WASF3: variants seen among roughly 807,000 people sequenced by gnomAD.
WASF3 encodes the protein WASP family member 3, also known as actin-binding protein WASF3.
In WASF3, 11 loss-of-function variants were observed where a neutral mutation model predicts 46.6. The ratio of observed to expected loss-of-function variants is 0.24; its 90% CI spans 0.15 to 0.39. WASF3 has a LOEUF of 0.39. Ranked by LOEUF, WASF3 falls within the 10% of genes least tolerant of loss-of-function variation. The probability of loss-of-function intolerance (pLI) is 1.00; values close to 1 mark genes in which losing one functional copy is unlikely to be tolerated. For missense variants in WASF3, 576 were observed against 669.8 expected (o/e 0.86, Z 1.55); for synonymous variants, 242 against 259.7 (o/e 0.93, Z 0.65).
At position 26,686,912 on chromosome 13, in the gene WASF3, T is replaced by C. The variant is rs931451382; in HGVS notation, c.*1067T>C. ...ATTGACAGCTATTCACCTTTCACGG[T>C]GCTGGGGCCAGATTAGGGATCACTC... On this transcript the variant is annotated 3_prime_UTR_variant, in exon 10 of 10. Transcript: ENST00000335327. The C allele has an allele frequency of 2.0e-5, 3 of 152,278 alleles. No individual in the cohort carries two copies. Among genetic ancestry groups the C allele is most frequent in the Admixed American group, 6.5e-5 (1 of 15,284 alleles). 9.4% of individuals were successfully genotyped at this position (152,278 alleles called of 1,614,324 possible). A position where few individuals can be genotyped will look rare whatever the true frequency, so the allele number is the denominator to read the frequency against.
chr13:26,553,588 C>A (rs909613287), upstream of WASF3, among the ~76,000 whole-genome samples: 5 of 151,992 alleles, frequency 3.3e-5, no homozygotes, highest in South Asian at 6.2e-4. Context: ...GAGGCCGAGG[C>A]GGGCGGATCA....
At chr13:26,612,831 A>T (rs991468947) in intron 1 of WASF3, 130 bp from the exon 2 acceptor site, 3 of 152,232 alleles carry the variant, frequency 2.0e-5, no homozygotes, top group Non-Finnish European at 2.9e-5. Flanking sequence ...TAAAATAATT[A>T]AAAAAGAACT....
chr13:26,680,018 T>G lies in WASF3; in HGVS notation c.717-1036T>G, dbSNP rs759613196. On this transcript the variant is annotated intron_variant, in intron 7 of 9. Coordinates refer to ENST00000335327, the MANE Select transcript of WASF3 (RefSeq NM_006646.6). ...GCTCCCTCAGCACCCCCAATGTGTGTTTGGTATTTCCTTCAGAGAGAGAAA... is the reference window on the plus strand; with the variant it reads ...GCTCCCTCAGCACCCCCAATGTGTGGTTGGTATTTCCTTCAGAGAGAGAAA... The G allele has an allele frequency of 8.8e-6, 14 of 1,593,206 alleles. No homozygotes were observed. The South Asian group carries it at 1.6e-4, about 18-fold the overall frequency.
chr13:26,675,481 TACACACACACACACACACACACACAC>T (rs56162218), intron 6 of WASF3, among the ~76,000 whole-genome samples: 4 of 145,664 alleles, frequency 2.7e-5, no homozygotes, highest in East Asian at 4.1e-4. Context: ...TAGACACACA[TACACACACACACACACACACACACAC>T]ACACACACAC....
chr13:26,572,262 C>G (rs189594043), intron 1 of WASF3, among the ~76,000 whole-genome samples: 9 of 152,294 alleles, frequency 5.9e-5, no homozygotes, highest in Non-Finnish European at 8.8e-5. Context: ...GTATCTGGTT[C>G]CTGACCTTAA....
intron 1 of WASF3, among the ~76,000 whole-genome samples, chr13:26,595,608 AG>A (rs1488084457): frequency 6.6e-6 from 1 of 152,132 alleles, no homozygotes; most frequent in African/African-American, 2.4e-5. Context: ...TTCAAGATAC[AG>A]TACTGTCCCA....
the WASF3 span, among the ~76,000 whole-genome samples, chr13:26,551,149 T>C: frequency 6.6e-6 from 1 of 152,222 alleles, no homozygotes; most frequent in Non-Finnish European, 1.5e-5. Flanking sequence ...TCTGCCATGG[T>C]AAGACATGCT....
At chr13:26,590,312 C>T (rs529535506) in intron 1 of WASF3, among the ~76,000 whole-genome samples, 1 of 152,030 alleles carries the variant, frequency 6.6e-6, no homozygotes, top group Admixed American at 6.6e-5. Context: ...AGATTGCCAC[C>T]TCTTAACTCT....
chr13:26,577,545 C>G (rs1044808212), intron 1 of WASF3: 12 of 1,330,732 alleles, frequency 9.0e-6, no homozygotes, highest in Non-Finnish European at 9.6e-6. Context: ...CTGAAGAAGC[C>G]CAAGTTTGAA....
At chr13:26,621,316 A>G (rs1881299353) in intron 2 of WASF3, among the ~76,000 whole-genome samples, 3 of 152,214 alleles carry the variant, frequency 2.0e-5, no homozygotes, top group African/African-American at 2.4e-5. Context: ...GCATCATGAA[A>G]ACACACTGAA....
At position 26,642,263 on chromosome 13, in the gene WASF3, T is replaced by C. The variant is rs78096373; in HGVS notation, c.-8T>C. 1.3e-4 allele frequency: 195 copies of C among 1,548,834 alleles called. No homozygotes were observed. The African/African-American group carries it at 2.4e-3, about 19-fold the overall frequency. ...AAGAATGTGTTTTCAATTTTCAGAT[T>C]GTGAACCATGCCTTTAGTGAAGAGG... On this transcript the variant is annotated splice_region_variant and 5_prime_UTR_variant, in exon 3 of 10. Transcript: ENST00000335327.
intron 4 of WASF3, among the ~76,000 whole-genome samples, chr13:26,665,773 G>A (rs1358409289): frequency 6.6e-6 from 1 of 152,136 alleles, no homozygotes; most frequent in Non-Finnish European, 1.5e-5. Context: ...AACTATCAAC[G>A]ATCCCTTTTT....
At chr13:26,541,000 C>T in the WASF3 span, among the ~76,000 whole-genome samples, 5 of 152,098 alleles carry the variant, frequency 3.3e-5, no homozygotes, top group Admixed American at 3.3e-4. Flanking sequence ...GTTAAGAGTG[C>T]TTGTCTCTGG....
intron 9 of WASF3, among the ~76,000 whole-genome samples, chr13:26,684,791 G>C (rs1202249774): frequency 6.6e-6 from 1 of 152,116 alleles, no homozygotes; most frequent in African/African-American, 2.4e-5. Context: ...TTAGCAGTTG[G>C]GGAATCCAAG....
chr13:26,605,745 G>A (rs1880775779), intron 1 of WASF3, among the ~76,000 whole-genome samples: 1 of 152,096 alleles, frequency 6.6e-6, no homozygotes, highest in Admixed American at 6.5e-5. Flanking sequence ...TTAGATAATC[G>A]AGTTTTCCTT....
chr13:26,680,943 T>C (rs1041552343), intron 7 of WASF3, 111 bp from the exon 8 acceptor site: 105 of 1,357,858 alleles, frequency 7.7e-5, no homozygotes, highest in Middle Eastern at 3.8e-4. Flanking sequence ...CAAATTAATG[T>C]CTGATTTTTG....
intron 1 of WASF3, among the ~76,000 whole-genome samples, chr13:26,600,657 G>A (rs191542631): frequency 1.3e-5 from 2 of 152,318 alleles, no homozygotes; most frequent in Non-Finnish European, 2.9e-5. Context: ...GGGTGTCTCC[G>A]TTCTGCTGTT....
intron 4 of WASF3, among the ~76,000 whole-genome samples, chr13:26,666,743 C>G (rs1288284598): frequency 6.6e-6 from 1 of 151,378 alleles, no homozygotes; most frequent in Non-Finnish European, 1.5e-5. Flanking sequence ...ACTAAAAATA[C>G]AAAAAATTAG....
intron 1 of WASF3, among the ~76,000 whole-genome samples, chr13:26,578,174 C>T (rs902536420): frequency 3.9e-5 from 6 of 152,050 alleles, no homozygotes; most frequent in Non-Finnish European, 7.4e-5. Context: ...TAGAATATTG[C>T]GTAGAAATTA....
Sources: gnomAD v4.1 joint callset for allele counts (sites outside exome capture counted in the v4.1 genomes callset) on GRCh38, gnomAD v4.1.1 for gene constraint, MANE v1.5 for transcripts, NCBI Gene and HGNC (gene_info 2026-07-23, HGNC 2026-07-21) for gene names.